PDLIM1: variants seen among roughly 807,000 people sequenced by gnomAD.
PDLIM1 encodes the protein PDZ and LIM domain protein 1.
A neutral mutation model predicts 35.2 loss-of-function variants in PDLIM1; 25 were observed. That is an observed-to-expected ratio of 0.71 (90% CI 0.52 to 0.99). The LOEUF (loss-of-function observed/expected upper bound fraction) is 0.99. PDLIM1 is among the 50% of genes least tolerant of loss of function. The pLI is 0.00. For synonymous variants in PDLIM1, 152 were observed against 154.0 expected, an observed-to-expected ratio of 0.99 and a Z score of 0.10; for missense variants, 363 against 415.3, an observed-to-expected ratio of 0.87 and a Z score of 1.09.
chr10:95,238,231 CAG>C, intron 6 of PDLIM1, 120 bp from the exon 7 acceptor site: 2 of 785,292 alleles, frequency 2.5e-6, no homozygotes. Context: ...GAACCCATCA[CAG>C]GGGAAACCAG....
At chr10:95,286,521 G>T (rs1175366614) in intron 1 of PDLIM1, among the ~76,000 whole-genome samples, 2 of 152,178 alleles carry the variant, frequency 1.3e-5, no homozygotes, top group East Asian at 3.8e-4. Flanking sequence ...CCACCAAGGT[G>T]CTCCGGACTA....
intron 1 of PDLIM1, among the ~76,000 whole-genome samples, chr10:95,287,147 T>C (rs2035609660): frequency 6.6e-6 from 1 of 152,158 alleles, no homozygotes; most frequent in African/African-American, 2.4e-5. Flanking sequence ...TCCCCCTCTC[T>C]CCTTAAGTCA....
In PDLIM1 at chr10:95,247,302, G is replaced by T. The variant is rs543213671; in HGVS notation, c.598C>A (p.Leu200Ile). 4.3e-6 allele frequency: 7 copies of T among 1,613,930 alleles called. No individual in the cohort carries two copies. In the Admixed American group the frequency reaches 1.0e-4, roughly 23 times the overall value. The change falls in exon 5 of 7, where the codon CTT becomes ATT. Residue 200 changes from leucine to isoleucine, a missense_variant. By Grantham distance (5) the Leu-to-Ile change is conservative. Coordinates refer to ENST00000329399, the MANE Select transcript of PDLIM1 (RefSeq NM_020992.4). ...TCATTCAACTCCTGTTTCTCCTGAA[G>T]CATCTTGTAAACTTCAGATTCTTTG... Reference protein sequence around the residue: ...IDKESEVYKMLQEKQELNEPP... With the variant: ...IDKESEVYKMIQEKQELNEPP...
intron 5 of PDLIM1, among the ~76,000 whole-genome samples, chr10:95,245,911 C>A (rs900246929): frequency 6.6e-6 from 1 of 152,144 alleles, no homozygotes; most frequent in African/African-American, 2.4e-5. Flanking sequence ...TCTTCGGCTG[C>A]GGACTTTGAG....
At chr10:95,248,627 T>G (rs530605800) in intron 4 of PDLIM1, among the ~76,000 whole-genome samples, 1 of 152,382 alleles carries the variant, frequency 6.6e-6, no homozygotes, top group Non-Finnish European at 1.5e-5. Context: ...CACAAAATAT[T>G]TAGTTTTAAT....
chr10:95,272,041 G>A (rs548708210), intron 1 of PDLIM1, among the ~76,000 whole-genome samples: 1 of 152,186 alleles, frequency 6.6e-6, no homozygotes, highest in East Asian at 1.9e-4. Context: ...CAGGATCTGA[G>A]GCTTAGAAAG....
At chr10:95,241,366 C>T (rs1179945773) in intron 5 of PDLIM1, among the ~76,000 whole-genome samples, 2 of 152,204 alleles carry the variant, frequency 1.3e-5, no homozygotes, top group East Asian at 1.9e-4. Flanking sequence ...CAACAAGGGG[C>T]ATTTAGAATA....
intron 3 of PDLIM1, among the ~76,000 whole-genome samples, chr10:95,265,926 C>T (rs1400719990): frequency 1.3e-5 from 2 of 151,748 alleles, no homozygotes; most frequent in Non-Finnish European, 2.9e-5. Flanking sequence ...AGGCCAGGCA[C>T]GGTGGCTCAT....
At chr10:95,282,628 ACT>A (rs947994329) in intron 1 of PDLIM1, among the ~76,000 whole-genome samples, 5 of 152,078 alleles carry the variant, frequency 3.3e-5, no homozygotes, top group African/African-American at 1.2e-4. Context: ...CAAATAGAAT[ACT>A]CTGACTAAAT....
intron 3 of PDLIM1, among the ~76,000 whole-genome samples, chr10:95,267,359 A>T (rs999649447): frequency 6.6e-6 from 1 of 152,150 alleles, no homozygotes. Flanking sequence ...AAAAATTAAA[A>T]TTTAACAATT....
intron 5 of PDLIM1, 34 bp from the exon 6 acceptor site, chr10:95,238,719 A>C (rs1223681245): frequency 7.5e-7 from 1 of 1,333,674 alleles, no homozygotes; most frequent in Non-Finnish European, 1.1e-6. Flanking sequence ...TTGGCCAGGA[A>C]GGGCAGAATT....
intron 5 of PDLIM1, among the ~76,000 whole-genome samples, chr10:95,245,313 G>T (rs967722930): frequency 6.6e-6 from 1 of 152,166 alleles, no homozygotes; most frequent in African/African-American, 2.4e-5. Context: ...TCACCTGGGG[G>T]TAAGCATGAT....
At chr10:95,254,582 A>C (rs577164107) in intron 4 of PDLIM1, among the ~76,000 whole-genome samples, 68 of 152,348 alleles carry the variant, frequency 4.5e-4, no homozygotes, top group Non-Finnish European at 9.0e-4. Context: ...CAACTGATAG[A>C]TCAACTAGAC....
At chr10:95,241,239 CA>C (rs1301811146) in intron 5 of PDLIM1, among the ~76,000 whole-genome samples, 1 of 152,194 alleles carries the variant, frequency 6.6e-6, no homozygotes, top group African/African-American at 2.4e-5. Context: ...ACACAATGGA[CA>C]TTTATTAATT....
chr10:95,250,515 T>C (rs1461637679), intron 4 of PDLIM1, among the ~76,000 whole-genome samples: 1 of 152,174 alleles, frequency 6.6e-6, no homozygotes, highest in Admixed American at 6.5e-5. Context: ...TCTTAGACAC[T>C]AGATTACAAG....
In PDLIM1 at chr10:95,267,916, A is replaced by C. The variant is rs1428641637; in HGVS notation, c.333+862T>G. On this transcript the variant is annotated intron_variant, in intron 3 of 6. Transcript: ENST00000329399. ...AAAATTTTCAAAAGGCATTATCAAC[A>C]TACCTAGTTTATCATTACTAATTCA... Among the ~76,000 whole-genome samples the C allele has an allele frequency of 3.3e-5, 5 of 152,238 alleles. No homozygotes were observed. In the South Asian group the frequency reaches 8.3e-4, roughly 25 times the overall value.
At chr10:95,256,986 A>AAGAAAGAAAGAAAGAAAGAAAGAAAG (rs566598672) in intron 4 of PDLIM1, among the ~76,000 whole-genome samples, 2 of 61,662 alleles carry the variant, frequency 3.2e-5, no homozygotes, top group Non-Finnish European at 6.3e-5. Context: ...AAAAAAAAAA[A>AAGAAAGAAAGAAAGAAAGAAAGAAAG]AAAGAAAGAA....
Position 95,262,676 on chromosome 10 carries a change from G to T in PDLIM1, c.533+1188C>A, listed in dbSNP as rs576878370. Among the ~76,000 whole-genome samples, 105 of 151,070 alleles carry T rather than the reference G, an allele frequency of 7.0e-4. 4 individuals are homozygous for T. The South Asian group carries it at 0.022, about 31-fold the overall frequency. On this transcript the variant is annotated intron_variant, in intron 4 of 6. Coordinates refer to ENST00000329399, the MANE Select transcript of PDLIM1 (RefSeq NM_020992.4). ...CCTGCCACTTTTGGGTATTTGAGTG[G>T]GCAATTCCTAACCTAGTCCACCCAC...
At chr10:95,244,448 G>C (rs1316426671) in intron 5 of PDLIM1, among the ~76,000 whole-genome samples, 1 of 152,204 alleles carries the variant, frequency 6.6e-6, no homozygotes, top group Non-Finnish European at 1.5e-5. Flanking sequence ...CAAGCAACTT[G>C]CTGGAGGTGT....
Sources: gnomAD v4.1 joint callset for allele counts (sites outside exome capture counted in the v4.1 genomes callset) on GRCh38, gnomAD v4.1.1 for gene constraint, MANE v1.5 for transcripts, NCBI Gene and HGNC (gene_info 2026-07-23, HGNC 2026-07-21) for gene names.